The following FMN1 variants were observed in gnomAD, a reference collection of about 807,000 sequenced individuals.
FMN1 encodes formin-1.
In FMN1, 110 loss-of-function variants were observed where a neutral mutation model predicts 132.4. The observed-to-expected ratio is 0.83, with a 90% CI of 0.71 to 0.97. FMN1 has a LOEUF of 0.97. Ranked by LOEUF, FMN1 falls within the 50% of genes least tolerant of loss-of-function variation. FMN1 has a pLI of 0.00. For synonymous variants in FMN1, 722 were observed against 651.7 expected (o/e 1.11, Z -1.64); for missense variants, 1,792 against 1,705.3 (o/e 1.05, Z -0.90).
chr15:32,983,151 G>C lies in FMN1; in HGVS notation c.2224-13674C>G, dbSNP rs74012427. The stretch of plus-strand genomic sequence containing the variant: ...TGGTGAAAAAATAAAACTGCGGAAA[G>C]TGCACCAAGTAGAATCCTACTCAGA... On this transcript the variant is annotated intron_variant, in intron 7 of 20. Transcript: ENST00000616417. Among the ~76,000 whole-genome samples, 1,090 of 152,240 alleles carry C rather than the reference G, an allele frequency of 7.2e-3. 18 individuals are homozygous for C. Among genetic ancestry groups the C allele is most frequent in the African/African-American group, 0.025 (1,057 of 41,540 alleles).
chr15:33,150,690 C>A (rs2140275672), intron 4 of FMN1: 1 of 985,528 alleles, frequency 1.0e-6, no homozygotes, highest in African/African-American at 1.7e-5. Context: ...GGAAACAGAT[C>A]TGATTACTTT....
At chr15:33,050,334 T>C (rs1010295351) in intron 6 of FMN1, among the ~76,000 whole-genome samples, 1 of 152,146 alleles carries the variant, frequency 6.6e-6, no homozygotes, top group Non-Finnish European at 1.5e-5. Context: ...AAAGACACCA[T>C]GAAAGAAGAG....
intron 7 of FMN1, among the ~76,000 whole-genome samples, chr15:32,977,067 C>T (rs531149127): frequency 1.6e-4 from 25 of 152,272 alleles, no homozygotes; most frequent in South Asian, 2.1e-4. Context: ...TCAGATGACT[C>T]CCTAAATTGA....
chr15:33,058,280 G>T (rs532100399), intron 6 of FMN1, among the ~76,000 whole-genome samples: 1 of 152,274 alleles, frequency 6.6e-6, no homozygotes, highest in South Asian at 2.1e-4. Flanking sequence ...AAAAATGTTT[G>T]TAAAAATGTG....
intron 17 of FMN1, among the ~76,000 whole-genome samples, chr15:32,842,472 A>G (rs2058765472): frequency 6.6e-6 from 1 of 152,194 alleles, no homozygotes; most frequent in African/African-American, 2.4e-5. Context: ...CTAAGTTTTG[A>G]GATGGTTGGT....
chr15:32,783,744 CAAAAAAAAAAAAAAAAAA>C lies in FMN1; in HGVS notation c.4131-6843_4131-6826del, dbSNP rs533699379. Among the ~76,000 whole-genome samples the C allele has an allele frequency of 5.3e-4, 34 of 64,202 alleles. 1 individual carries two copies. Among genetic ancestry groups the C allele is most frequent in the Admixed American group, 1.3e-3 (7 of 5,292 alleles). 42.1% of individuals were successfully genotyped at this position (64,202 alleles called of 152,430 possible). A position where few individuals can be genotyped will look rare whatever the true frequency, so the allele number is the denominator to read the frequency against. ...TGGGCGACAGAGCGAGACTCTGTTT[CAAAAAAAAAAAAAAAAAA>C]AAAAAAAAAAAAAAAAAAAAAATAG... On this transcript the variant is annotated intron_variant, in intron 19 of 20. Coordinates refer to ENST00000616417, the MANE Select transcript of FMN1 (RefSeq NM_001277313.2).
chr15:32,929,981 A>ATTTTTTTTTTTTTTTTTTTTTTTTTTTT (rs377263342), intron 9 of FMN1, among the ~76,000 whole-genome samples: 1 of 91,970 alleles, frequency 1.1e-5, no homozygotes, highest in Non-Finnish European at 2.0e-5. Flanking sequence ...CTATTTTTAA[A>ATTTTTTTTTTTTTTTTTTTTTTTTTTTT]TTTTTTTTTT....
chr15:32,860,126 G>C (rs1427761750), intron 16 of FMN1, among the ~76,000 whole-genome samples: 2 of 142,216 alleles, frequency 1.4e-5, no homozygotes, highest in African/African-American at 2.5e-5. Context: ...AAGGAAGAGA[G>C]AGACAAAGAG....
intron 4 of FMN1, among the ~76,000 whole-genome samples, chr15:33,108,869 T>C (rs1248271406): frequency 2.6e-5 from 4 of 152,130 alleles, no homozygotes; most frequent in Admixed American, 6.6e-5. Context: ...CACACATTGT[T>C]GTCTTTGGCC....
intron 6 of FMN1, among the ~76,000 whole-genome samples, chr15:33,057,095 T>C (rs1595369451): frequency 6.6e-6 from 1 of 152,174 alleles, no homozygotes; most frequent in Non-Finnish European, 1.5e-5. Context: ...GAAGAATGGG[T>C]TGAACACAGA....
chr15:33,180,388 A>T (rs976252314), intron 2 of FMN1, 126 bp from the exon 3 acceptor site: 3 of 152,112 alleles, frequency 2.0e-5, no homozygotes, highest in Non-Finnish European at 2.9e-5. Context: ...GAAATTGGGG[A>T]TCACAATGCT....
At chr15:33,179,690 T>G in intron 3 of FMN1, among the ~76,000 whole-genome samples, 1 of 152,208 alleles carries the variant, frequency 6.6e-6, no homozygotes, top group East Asian at 1.9e-4. Context: ...TGTCCTATGT[T>G]TCAGAGATTA....
At chr15:32,908,450 T>C (rs1281497311) in intron 12 of FMN1, 40 bp downstream of exon 12, 1 of 1,337,150 alleles carries the variant, frequency 7.5e-7, no homozygotes, top group Non-Finnish European at 1.1e-6. Flanking sequence ...AAATTGCAGT[T>C]CTCCTTTTGG....
At chr15:33,015,511 C>G (rs904399878) in intron 6 of FMN1, among the ~76,000 whole-genome samples, 3 of 152,192 alleles carry the variant, frequency 2.0e-5, no homozygotes, top group South Asian at 2.1e-4. Flanking sequence ...CAAGCCTCCA[C>G]CGCATCACAC....
At chr15:32,788,095 G>T (rs1328377471) in intron 19 of FMN1, among the ~76,000 whole-genome samples, 1 of 152,196 alleles carries the variant, frequency 6.6e-6, no homozygotes, top group Non-Finnish European at 1.5e-5. Flanking sequence ...ATTAATTGCA[G>T]AACAAAGTCC....
intron 17 of FMN1, among the ~76,000 whole-genome samples, chr15:32,832,564 A>C (rs1410920852): frequency 6.6e-6 from 1 of 152,038 alleles, no homozygotes; most frequent in Non-Finnish European, 1.5e-5. Flanking sequence ...CAGATCATGA[A>C]GTCAGGAGAT....
chr15:32,924,385 T>C (rs1383962731), intron 10 of FMN1, among the ~76,000 whole-genome samples: 3 of 152,232 alleles, frequency 2.0e-5, no homozygotes, highest in Non-Finnish European at 4.4e-5. Context: ...TTTAAGTCCC[T>C]AACAATGCTC....
At chr15:32,950,613 T>C (rs950347264) in intron 9 of FMN1, among the ~76,000 whole-genome samples, 9 of 152,164 alleles carry the variant, frequency 5.9e-5, no homozygotes, top group African/African-American at 2.2e-4. Context: ...CTACATTTTT[T>C]CACTTGTAAG....
chr15:32,873,679 G>C (rs1282735720), intron 16 of FMN1, among the ~76,000 whole-genome samples: 1 of 152,166 alleles, frequency 6.6e-6, no homozygotes, highest in East Asian at 1.9e-4. Context: ...ATGTTGAGAA[G>C]AACAAGACGG....
Sources: gnomAD v4.1 joint callset for allele counts (sites outside exome capture counted in the v4.1 genomes callset) on GRCh38, gnomAD v4.1.1 for gene constraint, MANE v1.5 for transcripts, NCBI Gene and HGNC (gene_info 2026-07-23, HGNC 2026-07-21) for gene names.